TRHDE: variants seen among roughly 807,000 people sequenced by gnomAD.
The protein encoded by TRHDE is thyrotropin releasing hormone degrading enzyme, also known as thyrotropin-releasing hormone-degrading ectoenzyme.
In TRHDE, 72 loss-of-function variants were observed where a neutral mutation model predicts 125.7. The observed-to-expected ratio is 0.57, with a 90% CI of 0.47 to 0.70. The LOEUF is 0.70. TRHDE is among the 30% of genes least tolerant of loss of function. The pLI is 0.00. For synonymous variants in TRHDE, 509 were observed against 509.1 expected (o/e 1.00, Z 0.00); for missense variants, 1,110 against 1,327.1 (o/e 0.84, Z 2.54).
intron 2 of TRHDE, among the ~76,000 whole-genome samples, chr12:72,179,420 A>G (rs1450613854): frequency 6.6e-6 from 1 of 152,002 alleles, no homozygotes; most frequent in African/African-American, 2.4e-5. Context: ...AAACTCTTAT[A>G]GAATGTATCT....
intron 2 of TRHDE, among the ~76,000 whole-genome samples, chr12:72,359,368 CA>C (rs1870966212): frequency 6.6e-6 from 1 of 151,592 alleles, no homozygotes; most frequent in African/African-American, 2.4e-5. Flanking sequence ...TACCATCTTT[CA>C]TGGCTCCTAT....
At position 72,325,247 on chromosome 12, in the gene TRHDE, A is replaced by G. The variant is rs146469088; in HGVS notation, c.1188+38293A>G. ...AGGGCTTAATTCTAAATGAAATTCT[A>G]TTTCTTCAGTTTAAATCTGTACCCC... On this transcript the variant is annotated intron_variant, in intron 2 of 18. Coordinates refer to ENST00000261180, the MANE Select transcript of TRHDE (RefSeq NM_013381.3). Among the ~76,000 whole-genome samples the G allele has an allele frequency of 2.6e-3, 392 of 152,066 alleles. 7 individuals are homozygous for G. The highest frequency in any genetic ancestry group is 0.024 in the Admixed American group (359 of 15,268).
At chr12:72,283,430 C>A (rs1879767548) in intron 1 of TRHDE, among the ~76,000 whole-genome samples, 1 of 152,140 alleles carries the variant, frequency 6.6e-6, no homozygotes, top group Non-Finnish European at 1.5e-5. Context: ...CAATTGCAAT[C>A]ATCTTCAGGT....
At chr12:72,154,739 T>G (rs1876461751) in intron 2 of TRHDE, among the ~76,000 whole-genome samples, 1 of 152,260 alleles carries the variant, frequency 6.6e-6, no homozygotes, top group South Asian at 2.1e-4. Context: ...TCTTCTGGCT[T>G]GTAGAGTTTC....
intron 2 of TRHDE, among the ~76,000 whole-genome samples, chr12:72,134,332 GA>G (rs965989806): frequency 1.3e-4 from 19 of 151,782 alleles, no homozygotes; most frequent in African/African-American, 4.6e-4. Context: ...CCCGGCTGGA[GA>G]AAAAAAAGTT....
chr12:72,609,356 ATAT>A (rs1394678621), intron 12 of TRHDE, among the ~76,000 whole-genome samples: 1 of 152,216 alleles, frequency 6.6e-6, no homozygotes, highest in African/African-American at 2.4e-5. Context: ...TCTCAACAAA[ATAT>A]TATTAGAACC....
chr12:72,629,734 A>G (rs1002913403), intron 15 of TRHDE, among the ~76,000 whole-genome samples: 1 of 151,714 alleles, frequency 6.6e-6, no homozygotes, highest in Admixed American at 6.6e-5. Flanking sequence ...CATTGCAATC[A>G]TTGCCAACCA....
At position 72,621,708 on chromosome 12, in the gene TRHDE, G is replaced by T; in HGVS notation, c.2632G>T (p.Ala878Ser). 6.2e-7 allele frequency: 1 copy of T among 1,606,646 alleles called. No homozygotes were observed. The highest frequency in any genetic ancestry group is 1.1e-5 in the South Asian group (1 of 89,920). The change falls in exon 15 of 19, where the codon GCA becomes TCA. Residue 878 changes from alanine to serine, a missense_variant. Physicochemically the swap from Ala to Ser is moderately conservative, Grantham distance 99 (BLOSUM62 1). Transcript: ENST00000261180. ...SFGNKHCHQQ[A>S]STLISDWISS... is the part of the protein sequence containing the mutation. Reference sequence around the variant, plus strand: ...TGGCAACAAGCACTGTCACCAACAGGCATCAACACTTATTTCAGATTGGAT... The same window carrying T: ...TGGCAACAAGCACTGTCACCAACAGTCATCAACACTTATTTCAGATTGGAT...
At chr12:72,267,369 A>C (rs1418844363) in intron 2 of TRHDE, among the ~76,000 whole-genome samples, 1 of 152,118 alleles carries the variant, frequency 6.6e-6, no homozygotes, top group Non-Finnish European at 1.5e-5. Flanking sequence ...CTCTCTTTGG[A>C]TATAACATGT....
At chr12:72,518,201 G>A (rs901006285) in intron 6 of TRHDE, among the ~76,000 whole-genome samples, 1 of 149,908 alleles carries the variant, frequency 6.7e-6, no homozygotes, top group African/African-American at 2.5e-5. Flanking sequence ...GGGTATCCTT[G>A]TTGACTTTCT....
At chr12:72,619,311 A>T (rs1478439087) in intron 13 of TRHDE, among the ~76,000 whole-genome samples, 1 of 152,200 alleles carries the variant, frequency 6.6e-6, no homozygotes, top group Non-Finnish European at 1.5e-5. Context: ...GTTCAAACTT[A>T]CTTTCCAAGA....
rs151190444 is a variant in TRHDE at position 72,144,328 on chromosome 12, T to G, written n.279+38576T>G. On this transcript the variant is annotated intron_variant and non_coding_transcript_variant, in intron 2 of 4. Transcript: ENST00000548156. The stretch of plus-strand genomic sequence containing the variant: ...TTTAACGTTCTGGCTGCTTTGTCTC[T>G]ATTGGTGTCCCACCCAGCTATTAGC... 6.0e-4 allele frequency among the ~76,000 whole-genome samples: 91 copies of G among 152,368 alleles called. 1 individual carries two copies. The East Asian group carries it at 0.016, about 27-fold the overall frequency.
At chr12:72,440,555 A>G (rs999578355) in intron 3 of TRHDE, among the ~76,000 whole-genome samples, 12 of 151,942 alleles carry the variant, frequency 7.9e-5, no homozygotes, top group African/African-American at 2.7e-4. Context: ...ATATAAGCAT[A>G]TAAATGCTAG....
At chr12:72,116,143 G>A (rs1875438218) in intron 2 of TRHDE, among the ~76,000 whole-genome samples, 1 of 152,114 alleles carries the variant, frequency 6.6e-6, no homozygotes, top group African/African-American at 2.4e-5. Context: ...AGTTTGCTGA[G>A]AATGATGGTT....
In TRHDE at chr12:72,665,682, T is replaced by C. The variant is rs1875089586; in HGVS notation, c.*2487T>C. 1 of 152,064 alleles carries C rather than the reference T, an allele frequency of 6.6e-6. No homozygotes were observed. The highest frequency in any genetic ancestry group is 1.5e-5 in the Non-Finnish European group (1 of 67,978). 9.4% of individuals were successfully genotyped at this position (152,064 alleles called of 1,614,324 possible). A position where few individuals can be genotyped will look rare whatever the true frequency, so the allele number is the denominator to read the frequency against. On this transcript the variant is annotated 3_prime_UTR_variant, in exon 19 of 19. Transcript: ENST00000261180. Reference sequence around the variant, plus strand: ...TCTTTTTTGTCGGCTTTACAAATTATATGTATGCATGAAATAACTAACTGT... The same window carrying C: ...TCTTTTTTGTCGGCTTTACAAATTACATGTATGCATGAAATAACTAACTGT...
chr12:72,264,965 T>C (rs1196859426), intron 2 of TRHDE, among the ~76,000 whole-genome samples: 1 of 151,762 alleles, frequency 6.6e-6, no homozygotes, highest in Non-Finnish European at 1.5e-5. Flanking sequence ...AAGCAGCTGG[T>C]TATTTTCAAG....
At chr12:72,296,155 T>A (rs1211530700) in intron 2 of TRHDE, among the ~76,000 whole-genome samples, 1 of 152,220 alleles carries the variant, frequency 6.6e-6, no homozygotes, top group Admixed American at 6.5e-5. Flanking sequence ...TCAGTGAAAT[T>A]CCACTGGTTG....
rs374943654 is a variant in TRHDE at position 72,201,507 on chromosome 12, G to A, written n.279+95755G>A. On this transcript the variant is annotated intron_variant and non_coding_transcript_variant, in intron 2 of 4. Coordinates refer to the TRHDE transcript ENST00000548156. ...AGAGGTGACTTGAGGACCCCTCTAG[G>A]CTCCAGACCCTCTGAGAAGAGTCAT... is the stretch of plus-strand genomic sequence containing the variant. 9.2e-5 allele frequency among the ~76,000 whole-genome samples: 14 copies of A among 152,280 alleles called. No homozygotes were observed. In the South Asian group the frequency reaches 1.0e-3, roughly 11 times the overall value.
At chr12:72,591,632 G>GTTTTTTTTTTTTTTT (rs71071842) in intron 12 of TRHDE, among the ~76,000 whole-genome samples, 1 of 125,430 alleles carries the variant, frequency 8.0e-6, no homozygotes, top group African/African-American at 3.2e-5. Context: ...AAGGATATGG[G>GTTTTTTTTTTTTTTT]TTTTTTTTTT....
Sources: allele counts gnomAD v4.1 joint callset (sites outside exome capture counted in the v4.1 genomes callset), GRCh38; gene constraint gnomAD v4.1.1; transcripts MANE v1.5; gene names NCBI Gene and HGNC (gene_info 2026-07-23, HGNC 2026-07-21).